The following DNER variants were observed in gnomAD, a reference collection of about 807,000 sequenced individuals.
DNER encodes delta and Notch-like epidermal growth factor-related receptor.
A neutral mutation model predicts 78.2 loss-of-function variants in DNER; 33 were observed. The ratio of observed to expected loss-of-function variants is 0.42; its 90% CI spans 0.32 to 0.56. The LOEUF is 0.56. Among genes scored for constraint, DNER ranks in the 20% least tolerant of loss-of-function variants. The pLI is 0.11. For missense variants in DNER, 918 were observed against 975.3 expected, an observed-to-expected ratio of 0.94 and a Z score of 0.78; for synonymous variants, 417 against 384.8, an observed-to-expected ratio of 1.08 and a Z score of -0.98.
Position 229,586,042 on chromosome 2 carries a change from G to A in DNER, c.681-18C>T. On this transcript the variant is annotated intron_variant, in intron 3 of 12. Transcript: ENST00000341772. ...GCCGAATCCTGGAAACAGGAATGAT[G>A]TAAACAGAAAGCTCCTTTCAGAAAA... 6.3e-7 allele frequency: 1 copy of A among 1,590,532 alleles called. No individual in the cohort carries two copies. Among genetic ancestry groups the A allele is most frequent in the South Asian group, 1.1e-5 (1 of 88,300 alleles).
intron 5 of DNER, among the ~76,000 whole-genome samples, chr2:229,522,947 G>T (rs1559156498): frequency 6.6e-6 from 1 of 152,222 alleles, no homozygotes; most frequent in African/African-American, 2.4e-5. Context: ...AATTTAAGTG[G>T]CTTGCTCAAG....
intron 4 of DNER, among the ~76,000 whole-genome samples, chr2:229,562,512 T>TCACATTAC (rs1696978779): frequency 2.0e-5 from 3 of 152,198 alleles, no homozygotes; most frequent in African/African-American, 7.2e-5. Flanking sequence ...AGAGTATGTT[T>TCACATTAC]CACATTACAG....
chr2:229,625,330 C>T (rs1313557997), intron 1 of DNER, among the ~76,000 whole-genome samples: 1 of 152,188 alleles, frequency 6.6e-6, no homozygotes, highest in Non-Finnish European at 1.5e-5. Context: ...TAATCCCACA[C>T]TTTCCCTTCT....
Position 229,523,075 on chromosome 2 carries a change from G to T in DNER, c.994-10139C>A, listed in dbSNP as rs573185959. 6.6e-5 allele frequency among the ~76,000 whole-genome samples: 10 copies of T among 152,324 alleles called. No individual in the cohort carries two copies. The South Asian group carries it at 2.1e-3, about 32-fold the overall frequency. On this transcript the variant is annotated intron_variant, in intron 5 of 12. Transcript: ENST00000341772. ...AGGGACAGGACTCAGACAACATCCTGAGAAAGGTGATGAGGGGAGCATGAT... is the reference window on the plus strand; with the variant it reads ...AGGGACAGGACTCAGACAACATCCTTAGAAAGGTGATGAGGGGAGCATGAT...
chr2:229,516,465 A>G (rs1484286004), intron 5 of DNER, among the ~76,000 whole-genome samples: 1 of 152,252 alleles, frequency 6.6e-6, no homozygotes, highest in Non-Finnish European at 1.5e-5. Flanking sequence ...CAGCTTAGCT[A>G]AATTACAGAA....
intron 1 of DNER, among the ~76,000 whole-genome samples, chr2:229,651,237 G>A (rs529375841): frequency 2.0e-5 from 3 of 152,266 alleles, no homozygotes; most frequent in East Asian, 1.9e-4. Flanking sequence ...CTGCCCTGCC[G>A]CTTCCAATTA....
At chr2:229,658,684 C>A (rs1489354412) in intron 1 of DNER, among the ~76,000 whole-genome samples, 1 of 151,798 alleles carries the variant, frequency 6.6e-6, no homozygotes, top group Admixed American at 6.6e-5. Flanking sequence ...GTATTTTACT[C>A]CTTTATCTGA....
intron 1 of DNER, 99 bp downstream of exon 1, chr2:229,714,049 T>A: frequency 8.9e-7 from 1 of 1,129,516 alleles, no homozygotes; most frequent in Non-Finnish European, 1.1e-6. Flanking sequence ...AAAGCCTGTG[T>A]CAGGCGTGCC....
chr2:229,613,581 T>C (rs1416513970), intron 1 of DNER, among the ~76,000 whole-genome samples: 3 of 151,750 alleles, frequency 2.0e-5, no homozygotes, highest in Middle Eastern at 3.2e-3. Context: ...ACATAATATA[T>C]GGCGCAGGGA....
At chr2:229,510,810 T>A (rs1054370598) in intron 6 of DNER, among the ~76,000 whole-genome samples, 1 of 152,190 alleles carries the variant, frequency 6.6e-6, no homozygotes, top group Non-Finnish European at 1.5e-5. Context: ...GGACACCATG[T>A]AACTGTTCAA....
intron 10 of DNER, among the ~76,000 whole-genome samples, chr2:229,397,463 C>CAAAAAAAAAAACAA (rs1553603076): frequency 1.0e-5 from 1 of 96,598 alleles, no homozygotes; most frequent in African/African-American, 3.7e-5. Flanking sequence ...CCAAACACTA[C>CAAAAAAAAAAACAA]AAAAAAAAAA....
At chr2:229,593,699 GT>G (rs1281527803) in intron 1 of DNER, among the ~76,000 whole-genome samples, 1 of 152,178 alleles carries the variant, frequency 6.6e-6, no homozygotes. Context: ...TTGTTATCTT[GT>G]TTCTGATTTA....
At chr2:229,466,893 G>A (rs1014740651) in intron 7 of DNER, among the ~76,000 whole-genome samples, 1 of 152,098 alleles carries the variant, frequency 6.6e-6, no homozygotes, top group East Asian at 1.9e-4. Context: ...CCTCAAAGAT[G>A]TTCACCTAAA....
At chr2:229,616,184 G>T (rs1698159203) in intron 1 of DNER, among the ~76,000 whole-genome samples, 1 of 152,166 alleles carries the variant, frequency 6.6e-6, no homozygotes, top group South Asian at 2.1e-4. Context: ...TTTCTCTGGA[G>T]TGTGCCCACT....
At chr2:229,515,800 C>T (rs1323588675) in intron 5 of DNER, among the ~76,000 whole-genome samples, 2 of 152,024 alleles carry the variant, frequency 1.3e-5, no homozygotes, top group African/African-American at 4.8e-5. Flanking sequence ...GCCACCATGG[C>T]TGGCTAATTT....
At chr2:229,359,349 G>C (rs1681586592) in intron 12 of DNER, among the ~76,000 whole-genome samples, 1 of 152,160 alleles carries the variant, frequency 6.6e-6, no homozygotes, top group African/African-American at 2.4e-5. Flanking sequence ...CAGAAGCCAA[G>C]GGAGTCAAAA....
intron 6 of DNER, among the ~76,000 whole-genome samples, chr2:229,495,504 T>A (rs1393346402): frequency 2.0e-5 from 3 of 152,132 alleles, no homozygotes; most frequent in Non-Finnish European, 2.9e-5. Flanking sequence ...AGGGCCAATA[T>A]TTCAACTGAA....
At chr2:229,662,986 C>A (rs1432297855) in intron 1 of DNER, among the ~76,000 whole-genome samples, 1 of 152,160 alleles carries the variant, frequency 6.6e-6, no homozygotes, top group Non-Finnish European at 1.5e-5. Context: ...GCTAAGATCT[C>A]CTCCTATTCT....
intron 5 of DNER, among the ~76,000 whole-genome samples, chr2:229,530,418 T>C (rs2154212804): frequency 6.6e-6 from 1 of 152,356 alleles, no homozygotes; most frequent in South Asian, 2.1e-4. Context: ...TCCTGTGCCC[T>C]TCTCTCTCCA....
Sources: gnomAD v4.1 joint callset for allele counts (sites outside exome capture counted in the v4.1 genomes callset) on GRCh38, gnomAD v4.1.1 for gene constraint, MANE v1.5 for transcripts, NCBI Gene and HGNC (gene_info 2026-07-23, HGNC 2026-07-21) for gene names.